The following IARS1 variants were observed in gnomAD, a reference collection of about 807,000 sequenced individuals.
IARS1 encodes isoleucyl-tRNA synthetase 1, also known as isoleucine--tRNA ligase, cytoplasmic.
IARS1 carries 124 observed loss-of-function variants against 168.2 expected under a neutral mutation model. The observed-to-expected ratio is 0.74, with a 90% CI of 0.64 to 0.86. The LOEUF is 0.86. IARS1 is among the 40% of genes least tolerant of loss of function. The pLI is 0.00. For missense variants in IARS1, 1,452 were observed against 1,515.8 expected (o/e 0.96, Z 0.70); for synonymous variants, 532 against 529.4 (o/e 1.00, Z -0.07).
intron 23 of IARS1, 128 bp downstream of exon 23, chr9:92,250,585 C>G: frequency 9.4e-7 from 1 of 1,063,262 alleles, no homozygotes; most frequent in Non-Finnish European, 1.3e-6. Flanking sequence ...CTGAGGAGTT[C>G]ATGTCAGCTG....
At chr9:92,254,651 G>GT (rs1438865903) in intron 20 of IARS1, among the ~76,000 whole-genome samples, 1 of 152,110 alleles carries the variant, frequency 6.6e-6, no homozygotes, top group African/African-American at 2.4e-5. Context: ...GGAAGCTCAG[G>GT]TTTTCTATGT....
At chr9:92,227,912 C>G (rs1490071592) in intron 31 of IARS1, among the ~76,000 whole-genome samples, 1 of 152,184 alleles carries the variant, frequency 6.6e-6, no homozygotes, top group Non-Finnish European at 1.5e-5. Context: ...GGCAGAGATG[C>G]TCCTCACTTC....
intron 30 of IARS1, among the ~76,000 whole-genome samples, chr9:92,234,718 C>T (rs543175344): frequency 1.3e-5 from 2 of 152,162 alleles, no homozygotes; most frequent in Non-Finnish European, 2.9e-5. Flanking sequence ...CAAAGCAGTT[C>T]AGGGAACCAT....
At chr9:92,272,946 T>A (rs1000592716) in intron 10 of IARS1, among the ~76,000 whole-genome samples, 1 of 151,414 alleles carries the variant, frequency 6.6e-6, no homozygotes, top group Admixed American at 6.6e-5. Flanking sequence ...AACATTAACA[T>A]GCACAGCATT....
intron 30 of IARS1, among the ~76,000 whole-genome samples, chr9:92,231,827 T>G (rs908309980): frequency 1.3e-5 from 2 of 152,228 alleles, no homozygotes; most frequent in African/African-American, 2.4e-5. Context: ...TCACATAAAT[T>G]AAGTATTCTC....
At chr9:92,235,082 C>T (rs1200063958) in intron 30 of IARS1, among the ~76,000 whole-genome samples, 1 of 152,170 alleles carries the variant, frequency 6.6e-6, no homozygotes, top group African/African-American at 2.4e-5. Flanking sequence ...GGTGATCTGC[C>T]TGCCTTAGCT....
intron 33 of IARS1, among the ~76,000 whole-genome samples, chr9:92,213,552 G>A (rs142037615): frequency 9.9e-5 from 15 of 152,276 alleles, no homozygotes; most frequent in African/African-American, 2.4e-4. Flanking sequence ...GATGCCTGGC[G>A]CCACCATAAG....
chr9:92,285,869 G>T (rs1190602062), intron 5 of IARS1, 30 bp from the exon 6 acceptor site: 8 of 1,239,740 alleles, frequency 6.5e-6, no homozygotes, highest in Non-Finnish European at 9.4e-6. Context: ...CACAATTACA[G>T]AACAAAATTC....
chr9:92,259,268 G>A (rs1049082922), intron 18 of IARS1, among the ~76,000 whole-genome samples: 1 of 152,142 alleles, frequency 6.6e-6, no homozygotes, highest in Non-Finnish European at 1.5e-5. Flanking sequence ...CACTCTCACT[G>A]CAGGACCAAT....
At chr9:92,241,571 A>C (rs764157438) in intron 29 of IARS1, among the ~76,000 whole-genome samples, 73 of 152,064 alleles carry the variant, frequency 4.8e-4, no homozygotes, top group Non-Finnish European at 8.7e-4. Context: ...CGCACTCTTG[A>C]CCTCAAGCGA....
chr9:92,276,388 C>G (rs530682929), intron 9 of IARS1, among the ~76,000 whole-genome samples: 1 of 152,302 alleles, frequency 6.6e-6, no homozygotes, highest in East Asian at 1.9e-4. Context: ...CAGGAAGCAG[C>G]TCTGCCACAT....
intron 22 of IARS1, 27 bp from the exon 23 acceptor site, chr9:92,250,861 C>T: frequency 1.9e-6 from 3 of 1,569,422 alleles, no homozygotes; most frequent in Non-Finnish European, 2.6e-6. Context: ...GACATCATGT[C>T]AGTTATATGC....
intron 7 of IARS1, among the ~76,000 whole-genome samples, chr9:92,279,904 G>C (rs1834294809): frequency 6.6e-6 from 1 of 152,078 alleles, no homozygotes; most frequent in Non-Finnish European, 1.5e-5. Flanking sequence ...CTGTCTTTTG[G>C]TGACTGGCTC....
In IARS1 at chr9:92,264,932, C is replaced by A; in HGVS notation, c.1697G>T (p.Gly566Val). 6.2e-7 allele frequency: 1 copy of A among 1,611,802 alleles called. No homozygotes were observed. Among genetic ancestry groups the A allele is most frequent in the Non-Finnish European group, 8.5e-7 (1 of 1,178,858 alleles). The change falls in exon 16 of 34, where the codon GGA becomes GTA. Residue 566 changes from glycine to valine, a missense_variant. Transcript: ENST00000443024. ...ATGAAAGAACAAGGAGGCATACCAT[C>A]CTCTGGTTTGGTCGATGCCCTCGGC... ...FIAEGIDQTR[G>V]WFYTLLVLAT... is the part of the protein sequence containing the mutation.
At chr9:92,212,458 G>A (rs921434064) in intron 33 of IARS1, among the ~76,000 whole-genome samples, 3 of 152,144 alleles carry the variant, frequency 2.0e-5, no homozygotes, top group Non-Finnish European at 2.9e-5. Context: ...GGCAGCACAG[G>A]TTAAGAATGG....
intron 31 of IARS1, among the ~76,000 whole-genome samples, chr9:92,228,136 C>T (rs1826057688): frequency 6.6e-6 from 1 of 152,166 alleles, no homozygotes; most frequent in African/African-American, 2.4e-5. Flanking sequence ...GAGCTGGAGA[C>T]CAGCCCGATG....
chr9:92,291,824 C>T (rs562889805), intron 1 of IARS1, among the ~76,000 whole-genome samples: 1 of 152,262 alleles, frequency 6.6e-6, no homozygotes, highest in South Asian at 2.1e-4. Flanking sequence ...ATTAGAGATG[C>T]AGACTTACCA....
chr9:92,263,523 C>G (rs78752319), intron 16 of IARS1, among the ~76,000 whole-genome samples: 5,410 of 152,354 alleles, frequency 0.036, 129 homozygotes, highest in South Asian at 0.081. Flanking sequence ...TTATGTGCTA[C>G]CTAGCTTGTT....
intron 4 of IARS1, 38 bp downstream of exon 4, chr9:92,287,753 C>T (rs368383322): frequency 2.2e-5 from 35 of 1,590,942 alleles, no homozygotes; most frequent in African/African-American, 6.8e-5. Flanking sequence ...TTAGTAACTA[C>T]ATTTGCTGTT....
Sources: allele counts gnomAD v4.1 joint callset (sites outside exome capture counted in the v4.1 genomes callset), GRCh38; gene constraint gnomAD v4.1.1; transcripts MANE v1.5; gene names NCBI Gene and HGNC (gene_info 2026-07-23, HGNC 2026-07-21).